Variants in PDE7A observed in about 807,000 individuals in gnomAD.
PDE7A encodes high affinity 3',5'-cyclic-AMP phosphodiesterase 7A.
In PDE7A, 39 loss-of-function variants were observed where a neutral mutation model predicts 64.3. The observed-to-expected ratio is 0.61, with a 90% confidence interval of 0.47 to 0.79. PDE7A has a LOEUF of 0.79. PDE7A is among the 30% of genes least tolerant of loss of function. PDE7A has a pLI of 0.00. For missense variants in PDE7A, 470 were observed against 582.8 expected (o/e 0.81, Z 1.99); for synonymous variants, 203 against 206.8 (o/e 0.98, Z 0.16).
At chr8:65,766,729 C>A (rs1378297447) in intron 3 of PDE7A, among the ~76,000 whole-genome samples, 1 of 152,122 alleles carries the variant, frequency 6.6e-6, no homozygotes, top group African/African-American at 2.4e-5. Flanking sequence ...TTATTAAGTG[C>A]CTCAAACTTA....
At chr8:65,728,569 C>T (rs1014471284) in intron 7 of PDE7A, 2 of 152,062 alleles carry the variant, frequency 1.3e-5, no homozygotes, top group Non-Finnish European at 2.9e-5. Flanking sequence ...TTAGGATATA[C>T]AAAAGCATTG....
Position 65,727,291 on chromosome 8 carries a change from GA to G in PDE7A, c.706del (p.Ser236LeufsTer2), listed in dbSNP as rs1563472014. 6.2e-7 allele frequency: 1 copy of G among 1,612,028 alleles called. No individual in the cohort carries two copies. The highest frequency in any genetic ancestry group is 8.5e-7 in the Non-Finnish European group (1 of 1,178,182). ...CAGCAAGATATCCCAAGGAGTTACA[GA>G]ATTGGCAAGCTGAAGTGTGACAAAA... Reference protein sequence around the residue: ...CYLKEPKLANSVTPWDILLSL... With the variant: ...CYLKEPKLANXVTPWDILLSL... On this transcript the variant is annotated frameshift_variant, in exon 8 of 13. Transcript: ENST00000401827. LOFTEE classifies it high-confidence loss of function.
At position 65,717,369 on chromosome 8, in the gene PDE7A, A is replaced by G. The variant is rs1484144806; in HGVS notation, c.*1921T>C. 2 of 152,376 alleles carry G rather than the reference A, an allele frequency of 1.3e-5. No individual in the cohort carries two copies. The highest frequency in any genetic ancestry group is 1.3e-4 in the Admixed American group (2 of 15,302). The allele number at this position is 152,376 out of a possible 1,614,324, so 9.4% of individuals were successfully genotyped here. A position where few individuals can be genotyped will look rare whatever the true frequency, so the allele number is the denominator to read the frequency against. ...TTTTCTTATCACTTTAAAAAGGCCA[A>G]TGATTGATAGAAATAAATACAACTA... On this transcript the variant is annotated 3_prime_UTR_variant, in exon 13 of 13. Transcript: ENST00000401827.
rs771947064 is a variant in PDE7A at position 65,747,714 on chromosome 8, G to A, written c.373C>T (p.Arg125Cys). 1.7e-5 allele frequency: 27 copies of A among 1,611,144 alleles called. 1 individual carries two copies. Among genetic ancestry groups the A allele is most frequent in the African/African-American group, 2.7e-5 (2 of 74,828 alleles). Reference sequence around the variant, plus strand: ...AGGGAATTTGAAACCGCAGTACCACGAAAAAAGCGTGAAGATCTAAGATAT... The same window carrying A: ...AGGGAATTTGAAACCGCAGTACCACAAAAAAAGCGTGAAGATCTAAGATAT... ...QRYLRSSRFF[R>C]GTAVSNSLNI... is the part of the protein sequence containing the mutation. The change falls in exon 4 of 13, where the codon CGT becomes TGT. Residue 125 changes from arginine (R) to cysteine (C), a missense_variant. Physicochemically the swap from Arg to Cys is radical, Grantham distance 180. Coordinates refer to ENST00000401827, the MANE Select transcript of PDE7A (RefSeq NM_001242318.3).
intron 1 of PDE7A, among the ~76,000 whole-genome samples, chr8:65,828,803 G>A (rs949303064): frequency 2.6e-5 from 4 of 151,914 alleles, no homozygotes; most frequent in Non-Finnish European, 4.4e-5. Flanking sequence ...ACAAAACAAA[G>A]CCAAACCACC....
At chr8:65,725,178 T>C in intron 9 of PDE7A, 1 of 277,272 alleles carries the variant, frequency 3.6e-6, no homozygotes. Context: ...GCCTTTATTT[T>C]GCCAGCCAAG....
intron 3 of PDE7A, among the ~76,000 whole-genome samples, chr8:65,762,118 T>A (rs369888315): frequency 5.9e-4 from 90 of 152,318 alleles, no homozygotes; most frequent in African/African-American, 1.8e-3. Context: ...AAAATTTTTT[T>A]AATTCAGTCC....
intron 1 of PDE7A, among the ~76,000 whole-genome samples, chr8:65,790,571 A>G (rs1809673594): frequency 6.6e-6 from 1 of 152,244 alleles, no homozygotes; most frequent in South Asian, 2.1e-4. Flanking sequence ...CTCAGTACAA[A>G]GAGCTTATTT....
intron 1 of PDE7A, among the ~76,000 whole-genome samples, chr8:65,810,831 T>A (rs113483046): frequency 6.6e-6 from 1 of 152,102 alleles, no homozygotes; most frequent in African/African-American, 2.4e-5. Flanking sequence ...AAAACTGTTA[T>A]TTGCAGGTGA....
chr8:65,823,287 T>C (rs138913590), intron 1 of PDE7A, among the ~76,000 whole-genome samples: 14 of 152,322 alleles, frequency 9.2e-5, no homozygotes, highest in East Asian at 7.7e-4. Flanking sequence ...AGAATTTTCA[T>C]TGTGAGACAA....
chr8:65,838,860 G>C (rs1811011052), intron 1 of PDE7A: 1 of 152,174 alleles, frequency 6.6e-6, no homozygotes, highest in Admixed American at 6.5e-5. Context: ...AACAAGTTGT[G>C]TCAGAACTTT....
chr8:65,842,021 G>T lies in PDE7A; in HGVS notation c.-513C>A. 1 of 226,176 alleles carries T rather than the reference G, an allele frequency of 4.4e-6. No homozygotes were observed. Among genetic ancestry groups the T allele is most frequent in the Non-Finnish European group, 8.5e-6 (1 of 118,222 alleles). 14.0% of individuals were successfully genotyped at this position (226,176 alleles called of 1,614,324 possible). A position where few individuals can be genotyped will look rare whatever the true frequency, so the allele number is the denominator to read the frequency against. ...AGTCCTGCTCCTCCCCTCCCCCGGA[G>T]CCTGACTTCACTCCGCCGCCGGCGC... On this transcript the variant is annotated 5_prime_UTR_variant, in exon 1 of 13. Transcript: ENST00000401827.
At chr8:65,771,036 G>T (rs1585903545) in intron 3 of PDE7A, 1 of 383,560 alleles carries the variant, frequency 2.6e-6, no homozygotes. Flanking sequence ...AGAGAATAAG[G>T]ACTATGACAA....
chr8:65,723,393 C>A, intron 12 of PDE7A, 148 bp downstream of exon 12: 1 of 720,738 alleles, frequency 1.4e-6, no homozygotes, highest in Non-Finnish European at 1.9e-6. Flanking sequence ...AGAGCCATAA[C>A]AAGGGAAAAC....
chr8:65,780,478 T>A (rs967733067), intron 2 of PDE7A, among the ~76,000 whole-genome samples: 3 of 152,218 alleles, frequency 2.0e-5, no homozygotes, highest in Admixed American at 1.3e-4. Flanking sequence ...TTCCTACATG[T>A]GCCCACATTA....
At chr8:65,765,096 A>T (rs1437669718) in intron 3 of PDE7A, among the ~76,000 whole-genome samples, 1 of 152,230 alleles carries the variant, frequency 6.6e-6, no homozygotes, top group Non-Finnish European at 1.5e-5. Context: ...CTAAAAGCCT[A>T]AAGTGAAGAG....
intron 1 of PDE7A, among the ~76,000 whole-genome samples, chr8:65,837,323 AAAC>A (rs1217925323): frequency 6.6e-6 from 1 of 152,250 alleles, no homozygotes; most frequent in Non-Finnish European, 1.5e-5. Flanking sequence ...CAAACGATTA[AAAC>A]AACAGCAGCA....
intron 3 of PDE7A, 99 bp downstream of exon 3, chr8:65,779,619 TAG>T (rs1180910627): frequency 2.0e-5 from 13 of 640,140 alleles, no homozygotes; most frequent in Non-Finnish European, 3.3e-5. Context: ...CCAAACATAA[TAG>T]AGTTTTTTTT....
intron 3 of PDE7A, among the ~76,000 whole-genome samples, chr8:65,773,242 T>C (rs1467155244): frequency 2.0e-5 from 3 of 152,156 alleles, no homozygotes; most frequent in Non-Finnish European, 1.5e-5. Flanking sequence ...CAGAACCTAT[T>C]ATAAGCAGCA....
Sources: allele counts gnomAD v4.1 joint callset (sites outside exome capture counted in the v4.1 genomes callset), GRCh38; gene constraint gnomAD v4.1.1; transcripts MANE v1.5; gene names NCBI Gene and HGNC (gene_info 2026-07-23, HGNC 2026-07-21).